AKNAD1: variants seen among roughly 807,000 people sequenced by gnomAD.
The protein encoded by AKNAD1 is protein AKNAD1.
Under a neutral mutation model 90.8 loss-of-function variants are expected in AKNAD1, and 67 were observed. The ratio of observed to expected loss-of-function variants is 0.74; its 90% confidence interval spans 0.61 to 0.90. The LOEUF is 0.90. Ranked by LOEUF, AKNAD1 falls within the 40% of genes least tolerant of loss-of-function variation. AKNAD1 has a pLI of 0.00. For missense variants in AKNAD1, 957 were observed against 975.4 expected (o/e 0.98, Z 0.25); for synonymous variants, 327 against 341.4 (o/e 0.96, Z 0.46).
chr1:108,830,638 C>G lies in AKNAD1; in HGVS notation c.1759G>C (p.Gly587Arg). ...GCACAATCCTGCCTTCTTGGAGTGC[C>G]GTTGGGATCCTCCTGCGCCACAAAG... Reference protein sequence around the residue: ...LSSNSGEDPNGTPRRQDCAEM... With the variant: ...LSSNSGEDPNRTPRRQDCAEM... The change falls in exon 10 of 16, where the codon GGC becomes CGC. Residue 587 changes from glycine (G) to arginine (R), a missense_variant. Physicochemically the swap from Gly to Arg is moderately radical, Grantham distance 125. Transcript: ENST00000370001. The G allele has an allele frequency of 6.2e-7, 1 of 1,614,058 alleles. No homozygotes were observed. Among genetic ancestry groups the G allele is most frequent in the Non-Finnish European group, 8.5e-7 (1 of 1,180,040 alleles).
chr1:108,848,666 A>G, intron 5 of AKNAD1, 86 bp downstream of exon 5: 1 of 1,228,892 alleles, frequency 8.1e-7, no homozygotes, highest in Non-Finnish European at 1.2e-6. Flanking sequence ...ACCACTGTAG[A>G]GAAAACATGG....
intron 7 of AKNAD1, among the ~76,000 whole-genome samples, chr1:108,836,471 G>C (rs1162718846): frequency 6.6e-6 from 1 of 152,088 alleles, no homozygotes; most frequent in Non-Finnish European, 1.5e-5. Flanking sequence ...TCCTCCAGGT[G>C]CGGGGGATTG....
chr1:108,847,038 C>A (rs977704785), intron 5 of AKNAD1, among the ~76,000 whole-genome samples: 4 of 152,134 alleles, frequency 2.6e-5, no homozygotes, highest in Non-Finnish European at 4.4e-5. Context: ...CATCTCCAGC[C>A]TCATTGCCAG....
intron 6 of AKNAD1, 104 bp from the exon 7 acceptor site, chr1:108,837,810 G>T: frequency 7.8e-7 from 1 of 1,283,086 alleles, no homozygotes; most frequent in South Asian, 1.4e-5. Flanking sequence ...TATTAATGTG[G>T]CCTGTCTTCT....
In AKNAD1 at chr1:108,817,140, G is replaced by C. The variant is rs1420302035; in HGVS notation, c.2287C>G (p.Pro763Ala). Reference sequence around the variant, plus strand: ...TAGAAATGGGGTGAGGGTGTTGCAGGGTCTGAGCTGTAGGTCATGAAAGCC... The same window carrying C: ...TAGAAATGGGGTGAGGGTGTTGCAGCGTCTGAGCTGTAGGTCATGAAAGCC... ...LQAFMTYSSD[P>A]ATPSPHFYSC... Residue 763 changes from proline (P) to alanine (A), a missense_variant, in exon 15 of 16, where the codon CCT becomes GCT. By Grantham distance (27) the Pro-to-Ala change is conservative. Transcript: ENST00000370001. 7 of 1,614,078 alleles carry C rather than the reference G, an allele frequency of 4.3e-6. No individual in the cohort carries two copies. In the South Asian group the frequency reaches 7.7e-5, roughly 18 times the overall value.
chr1:108,850,265 T>C lies in AKNAD1; in HGVS notation c.994-689A>G, dbSNP rs151236236. Among the ~76,000 whole-genome samples the C allele has an allele frequency of 1.2e-4, 18 of 152,292 alleles. 1 individual carries two copies. In the East Asian group the frequency reaches 3.5e-3, roughly 29 times the overall value. ...ATGGACTATGGTCTTTCTAGACATCTCAACTATATGACGGATATGAAACCT... is the reference window on the plus strand; with the variant it reads ...ATGGACTATGGTCTTTCTAGACATCCCAACTATATGACGGATATGAAACCT... On this transcript the variant is annotated intron_variant, in intron 2 of 15. Coordinates refer to ENST00000370001, the MANE Select transcript of AKNAD1 (RefSeq NM_152763.5).
intron 9 of AKNAD1, 87 bp from the exon 10 acceptor site, chr1:108,830,737 G>C (rs911251974): frequency 2.9e-6 from 4 of 1,361,344 alleles, no homozygotes; most frequent in Non-Finnish European, 4.2e-6. Flanking sequence ...AAGCAGCTGA[G>C]GTCCGGCTGA....
intron 9 of AKNAD1, among the ~76,000 whole-genome samples, chr1:108,831,834 C>G (rs536902682): frequency 6.6e-6 from 1 of 152,004 alleles, no homozygotes; most frequent in African/African-American, 2.4e-5. Flanking sequence ...CCATGTTGGC[C>G]GGGCTGGTCT....
intron 14 of AKNAD1, among the ~76,000 whole-genome samples, chr1:108,820,310 G>A (rs140393362): frequency 2.0e-5 from 3 of 152,340 alleles, no homozygotes; most frequent in Non-Finnish European, 4.4e-5. Context: ...TAAGCTCTGT[G>A]AGGGCAGGGA....
chr1:108,845,009 C>A (rs541615702), intron 5 of AKNAD1, among the ~76,000 whole-genome samples: 2 of 151,790 alleles, frequency 1.3e-5, no homozygotes, highest in Admixed American at 6.6e-5. Context: ...AGTAGAGATG[C>A]GGTTTCACCA....
At chr1:108,839,209 G>A (rs1440061289) in intron 6 of AKNAD1, among the ~76,000 whole-genome samples, 1 of 152,102 alleles carries the variant, frequency 6.6e-6, no homozygotes, top group East Asian at 1.9e-4. Flanking sequence ...AAAGGGGCCC[G>A]GCGCGGTAGT....
chr1:108,831,660 T>C (rs1197391863), intron 9 of AKNAD1, among the ~76,000 whole-genome samples: 1 of 151,930 alleles, frequency 6.6e-6, no homozygotes, highest in East Asian at 1.9e-4. Flanking sequence ...TTTTTTTTTT[T>C]TGAGACGGAG....
At chr1:108,831,766 A>G (rs1255132031) in intron 9 of AKNAD1, among the ~76,000 whole-genome samples, 2 of 151,300 alleles carry the variant, frequency 1.3e-5, no homozygotes, top group Non-Finnish European at 1.5e-5. Flanking sequence ...AGCTGGGATT[A>G]CAGGTGCCCA....
intron 2 of AKNAD1, 148 bp from the exon 3 acceptor site, chr1:108,849,724 T>G: frequency 1.6e-6 from 1 of 622,058 alleles, no homozygotes; most frequent in Non-Finnish European, 2.9e-6. Flanking sequence ...TGAATTCCAC[T>G]CTGACACTTA....
intron 1 of AKNAD1, 76 bp from the exon 2 acceptor site, chr1:108,852,843 G>T: frequency 1.9e-6 from 1 of 517,256 alleles, no homozygotes; most frequent in Non-Finnish European, 3.1e-6. Flanking sequence ...CAAAGTGGAT[G>T]TTTTTTTAAT....
At chr1:108,848,870 T>A (rs753366753) in intron 4 of AKNAD1, 42 bp downstream of exon 4, 1 of 1,599,882 alleles carries the variant, frequency 6.3e-7, no homozygotes, top group East Asian at 2.2e-5. Context: ...ATGTGTGAAT[T>A]TGGTTACTTA....
At chr1:108,854,031 A>G (rs1002657806) in intron 1 of AKNAD1, among the ~76,000 whole-genome samples, 1 of 152,096 alleles carries the variant, frequency 6.6e-6, no homozygotes, top group African/African-American at 2.4e-5. Flanking sequence ...TCTAATTTGG[A>G]CTCAGGCAGG....
chr1:108,842,958 A>C (rs1279484692), intron 6 of AKNAD1, among the ~76,000 whole-genome samples, 176 bp downstream of exon 6: 2 of 152,180 alleles, frequency 1.3e-5, no homozygotes, highest in Non-Finnish European at 2.9e-5. Flanking sequence ...CCTTACACTC[A>C]ACAGGTCCTC....
chr1:108,839,602 C>T (rs1317946322), intron 6 of AKNAD1, among the ~76,000 whole-genome samples: 1 of 150,546 alleles, frequency 6.6e-6, no homozygotes, highest in Non-Finnish European at 1.5e-5. Context: ...TTTGATTAAA[C>T]ATTTTCTTGA....
Sources: gnomAD v4.1 joint callset for allele counts (sites outside exome capture counted in the v4.1 genomes callset) on GRCh38, gnomAD v4.1.1 for gene constraint, MANE v1.5 for transcripts, NCBI Gene and HGNC (gene_info 2026-07-23, HGNC 2026-07-21) for gene names.